ITGBL1: variants seen among roughly 807,000 people sequenced by gnomAD.
ITGBL1 encodes the protein integrin beta-like protein 1.
In ITGBL1, 51 loss-of-function variants were observed where a neutral mutation model predicts 68.5. The observed-to-expected ratio is 0.74, with a 90% CI of 0.59 to 0.94. The LOEUF is 0.94. Ranked by LOEUF, ITGBL1 falls within the 40% of genes least tolerant of loss-of-function variation. The pLI, the probability that ITGBL1 is intolerant of heterozygous loss-of-function variation, is 0.00. For synonymous variants in ITGBL1, 209 were observed against 227.3 expected (o/e 0.92, Z 0.72); for missense variants, 649 against 647.4 (o/e 1.00, Z -0.03).
chr13:101,482,920 C>CA (rs2139042994), intron 2 of ITGBL1, among the ~76,000 whole-genome samples: 1 of 152,264 alleles, frequency 6.6e-6, no homozygotes, highest in Admixed American at 6.5e-5. Context: ...GTTTCATACT[C>CA]ACGGCATCAG....
chr13:101,631,360 G>A (rs2031971793), intron 7 of ITGBL1, among the ~76,000 whole-genome samples: 1 of 150,864 alleles, frequency 6.6e-6, no homozygotes, highest in Non-Finnish European at 1.5e-5. Flanking sequence ...AAAAGAAATT[G>A]TGATGCAGTT....
intron 1 of ITGBL1, among the ~76,000 whole-genome samples, chr13:101,453,499 G>A (rs1030874134): frequency 2.0e-5 from 3 of 152,186 alleles, no homozygotes; most frequent in Non-Finnish European, 4.4e-5. Flanking sequence ...TTTTTTAAAG[G>A]AGAACTGAAA....
At chr13:101,635,434 A>G (rs2032139261) in intron 7 of ITGBL1, among the ~76,000 whole-genome samples, 1 of 152,128 alleles carries the variant, frequency 6.6e-6, no homozygotes. Context: ...TTAGTCATAA[A>G]CAAATAACTC....
intron 2 of ITGBL1, among the ~76,000 whole-genome samples, chr13:101,528,543 G>C (rs548994398): frequency 6.6e-6 from 1 of 151,606 alleles, no homozygotes; most frequent in South Asian, 2.1e-4. Context: ...GATTCATAAG[G>C]AGAACTCTTA....
At chr13:101,573,019 ATAGGG>A (rs1224764563) in intron 3 of ITGBL1, among the ~76,000 whole-genome samples, 2 of 152,118 alleles carry the variant, frequency 1.3e-5, no homozygotes, top group African/African-American at 4.8e-5. Context: ...AAATGTATTA[ATAGGG>A]TATCTCTTCC....
intron 7 of ITGBL1, among the ~76,000 whole-genome samples, chr13:101,637,311 G>A (rs1007728400): frequency 1.3e-5 from 2 of 151,676 alleles, no homozygotes; most frequent in Non-Finnish European, 2.9e-5. Flanking sequence ...TCGGTGCTGG[G>A]GACAACAAAG....
intron 6 of ITGBL1, among the ~76,000 whole-genome samples, chr13:101,595,611 A>G (rs914521139): frequency 4.6e-5 from 7 of 152,194 alleles, no homozygotes; most frequent in African/African-American, 1.7e-4. Context: ...AGTGCTTAAC[A>G]TCACTAATAG....
At chr13:101,699,743 A>G (rs1594990751) in intron 8 of ITGBL1, among the ~76,000 whole-genome samples, 1 of 152,218 alleles carries the variant, frequency 6.6e-6, no homozygotes, top group Admixed American at 6.5e-5. Context: ...TGAATGGTCC[A>G]TGTAGATGAT....
rs183469939 is a variant in ITGBL1 at position 101,464,451 on chromosome 13, T to G, written c.316+10351T>G. Among the ~76,000 whole-genome samples, 9 of 152,230 alleles carry G rather than the reference T, an allele frequency of 5.9e-5. No homozygotes were observed. The East Asian group carries it at 1.7e-3, about 29-fold the overall frequency. ...ACAGACATATATGCATGTGTCTGTATGTATATATGTAGTTTTTTACATTCT... is the reference window on the plus strand; with the variant it reads ...ACAGACATATATGCATGTGTCTGTAGGTATATATGTAGTTTTTTACATTCT... On this transcript the variant is annotated intron_variant, in intron 2 of 10. Coordinates refer to ENST00000376180, the MANE Select transcript of ITGBL1 (RefSeq NM_004791.3).
chr13:101,587,721 A>G lies in ITGBL1; in HGVS notation c.868+4365A>G, dbSNP rs183313387. Among the ~76,000 whole-genome samples the G allele has an allele frequency of 1.2e-4, 18 of 152,338 alleles. No individual in the cohort carries two copies. In the East Asian group the frequency reaches 3.5e-3, roughly 29 times the overall value. ...GAAAATGGAATATTTTGATAGAACCATATTATGTGGTGAAATTTGTCCCTG... is the reference window on the plus strand; with the variant it reads ...GAAAATGGAATATTTTGATAGAACCGTATTATGTGGTGAAATTTGTCCCTG... On this transcript the variant is annotated intron_variant, in intron 6 of 10. Transcript: ENST00000376180.
intron 2 of ITGBL1, among the ~76,000 whole-genome samples, chr13:101,544,712 C>T (rs961696110): frequency 6.6e-6 from 1 of 152,178 alleles, no homozygotes; most frequent in African/African-American, 2.4e-5. Context: ...CCAGTTCAAG[C>T]TTCCTGGCCG....
At chr13:101,563,310 T>A (rs1394582290) in intron 2 of ITGBL1, among the ~76,000 whole-genome samples, 1 of 149,982 alleles carries the variant, frequency 6.7e-6, no homozygotes, top group Non-Finnish European at 1.5e-5. Context: ...GAGAAAAAAA[T>A]AGTGAAATTG....
chr13:101,527,214 A>G lies in ITGBL1; in HGVS notation c.317-40485A>G, dbSNP rs1476262707. Among the ~76,000 whole-genome samples, 12 of 152,262 alleles carry G rather than the reference A, an allele frequency of 7.9e-5. No homozygotes were observed. The East Asian group carries it at 2.1e-3, about 27-fold the overall frequency. ...CATGATCAAGATACAAAACAATATC[A>G]TCATCTCCAAAATATTTCCTCATGT... On this transcript the variant is annotated intron_variant, in intron 2 of 10. Coordinates refer to ENST00000376180, the MANE Select transcript of ITGBL1 (RefSeq NM_004791.3).
At chr13:101,458,972 A>G (rs1009244143) in intron 2 of ITGBL1, among the ~76,000 whole-genome samples, 4 of 152,160 alleles carry the variant, frequency 2.6e-5, no homozygotes, top group African/African-American at 9.7e-5. Context: ...TAAAAGTAAA[A>G]TCAATATGAA....
chr13:101,563,115 T>C (rs2139240118), intron 2 of ITGBL1, among the ~76,000 whole-genome samples: 1 of 151,196 alleles, frequency 6.6e-6, no homozygotes, highest in East Asian at 1.9e-4. Context: ...GAAAATAAAA[T>C]ATAACATATC....
At chr13:101,505,311 CT>C (rs1246607073) in intron 2 of ITGBL1, among the ~76,000 whole-genome samples, 7 of 152,046 alleles carry the variant, frequency 4.6e-5, no homozygotes, top group African/African-American at 1.7e-4. Context: ...TTTTTTTAAC[CT>C]ATTTTATGAA....
chr13:101,566,698 A>C (rs1050742148), intron 2 of ITGBL1, among the ~76,000 whole-genome samples: 8 of 152,120 alleles, frequency 5.3e-5, no homozygotes, highest in African/African-American at 9.7e-5. Flanking sequence ...GAATCAGATC[A>C]ATGACTTCAT....
intron 6 of ITGBL1, among the ~76,000 whole-genome samples, chr13:101,594,796 G>A (rs1015801362): frequency 2.6e-5 from 4 of 152,290 alleles, no homozygotes; most frequent in East Asian, 3.9e-4. Flanking sequence ...TTTGGGCCAG[G>A]CACATGGTGG....
intron 2 of ITGBL1, among the ~76,000 whole-genome samples, chr13:101,533,986 A>G (rs1354514389): frequency 6.6e-6 from 1 of 152,224 alleles, no homozygotes; most frequent in African/African-American, 2.4e-5. Context: ...CTAAGGAAAC[A>G]AAGAAGAAAT....
Sources: gnomAD v4.1 joint callset for allele counts (sites outside exome capture counted in the v4.1 genomes callset) on GRCh38, gnomAD v4.1.1 for gene constraint, MANE v1.5 for transcripts, NCBI Gene and HGNC (gene_info 2026-07-23, HGNC 2026-07-21) for gene names.